SLX4IP: variants seen among roughly 807,000 people sequenced by gnomAD.
SLX4IP encodes protein SLX4IP.
In SLX4IP, 34 loss-of-function variants were observed where a neutral mutation model predicts 32.9. The observed-to-expected ratio is 1.03, with a 90% CI of 0.79 to 1.38. SLX4IP has a LOEUF of 1.38. SLX4IP is among the 40% of genes most tolerant of loss of function. The pLI is 0.00. For missense variants in SLX4IP, 444 were observed against 479.0 expected (o/e 0.93, Z 0.68); for synonymous variants, 172 against 171.7 (o/e 1.00, Z -0.01).
chr20:10,603,631 C>T (rs1188409467), intron 6 of SLX4IP, among the ~76,000 whole-genome samples: 3 of 152,138 alleles, frequency 2.0e-5, no homozygotes, highest in Non-Finnish European at 2.9e-5. Context: ...TCATTTACTC[C>T]ACCTCTGTCT....
chr20:10,499,319 C>T (rs2065696790), intron 2 of SLX4IP, among the ~76,000 whole-genome samples: 1 of 152,166 alleles, frequency 6.6e-6, no homozygotes, highest in Admixed American at 6.5e-5. Context: ...TGCATATGCA[C>T]ACAACATGCA....
chr20:10,590,450 T>G (rs2066695593), intron 4 of SLX4IP, among the ~76,000 whole-genome samples: 1 of 152,096 alleles, frequency 6.6e-6, no homozygotes, highest in Non-Finnish European at 1.5e-5. Flanking sequence ...AACCTCTGCC[T>G]CCCGGGTTCT....
At chr20:10,587,715 C>A (rs905358923) in intron 4 of SLX4IP, among the ~76,000 whole-genome samples, 1 of 152,062 alleles carries the variant, frequency 6.6e-6, no homozygotes, top group Non-Finnish European at 1.5e-5. Context: ...GCCAAATATT[C>A]TTTGACAAGA....
chr20:10,539,466 G>T lies in SLX4IP; in HGVS notation c.28-16765G>T, dbSNP rs181758447. 4.6e-5 allele frequency among the ~76,000 whole-genome samples: 7 copies of T among 151,760 alleles called. No homozygotes were observed. The East Asian group carries it at 1.4e-3, about 29-fold the overall frequency. ...ATTGGAGTGGAGGGTGACATTTGCA[G>T]GTGCAAAGAAGCTCATTATATTTTG... On this transcript the variant is annotated intron_variant, in intron 2 of 7. Transcript: ENST00000334534.
chr20:10,472,269 C>A (rs1412853356), intron 2 of SLX4IP, among the ~76,000 whole-genome samples: 2 of 146,900 alleles, frequency 1.4e-5, no homozygotes, highest in Admixed American at 6.8e-5. Flanking sequence ...CTGGCTCTGT[C>A]GCCCAGGCTC....
intron 4 of SLX4IP, among the ~76,000 whole-genome samples, chr20:10,585,561 TCCTTTCC>T (rs2066636541): frequency 6.6e-6 from 1 of 151,730 alleles, no homozygotes; most frequent in Admixed American, 6.6e-5. Flanking sequence ...TCCTTTCCTT[TCCTTTCC>T]TTTTTTTTCT....
chr20:10,601,386 C>T (rs2066839915), intron 5 of SLX4IP, among the ~76,000 whole-genome samples: 1 of 152,130 alleles, frequency 6.6e-6, no homozygotes, highest in Non-Finnish European at 1.5e-5. Flanking sequence ...GTTACATGCT[C>T]ATTTTGAAAA....
intron 2 of SLX4IP, among the ~76,000 whole-genome samples, chr20:10,547,604 TGGAAAGTGG>T (rs2066175218): frequency 6.6e-6 from 1 of 152,248 alleles, no homozygotes; most frequent in African/African-American, 2.4e-5. Flanking sequence ...CCTGATTGAC[TGGAAAGTGG>T]GGAAATAGCC....
chr20:10,485,457 A>G (rs1451936204), intron 2 of SLX4IP, among the ~76,000 whole-genome samples: 1 of 152,088 alleles, frequency 6.6e-6, no homozygotes, highest in Admixed American at 6.5e-5. Flanking sequence ...CTCTACTAAA[A>G]AAACAAAACA....
chr20:10,615,401 TCTC>T (rs2067014307), intron 6 of SLX4IP, among the ~76,000 whole-genome samples: 3 of 152,210 alleles, frequency 2.0e-5, no homozygotes, highest in Admixed American at 2.0e-4. Context: ...TCTTGATTTT[TCTC>T]CTCCTCACTG....
At chr20:10,449,422 G>A (rs1198627355) in intron 1 of SLX4IP, among the ~76,000 whole-genome samples, 5 of 152,170 alleles carry the variant, frequency 3.3e-5, no homozygotes, top group African/African-American at 9.7e-5. Context: ...GGACCTTGGC[G>A]TGAGGCAGAG....
chr20:10,497,273 G>A (rs2065675835), intron 2 of SLX4IP, among the ~76,000 whole-genome samples: 1 of 152,156 alleles, frequency 6.6e-6, no homozygotes, highest in Admixed American at 6.5e-5. Flanking sequence ...TAGGTCAACA[G>A]ATATTTTCTG....
intron 4 of SLX4IP, among the ~76,000 whole-genome samples, chr20:10,598,176 C>T (rs972568436): frequency 5.9e-5 from 9 of 152,126 alleles, no homozygotes; most frequent in South Asian, 2.1e-4. Context: ...ACTATGCCAG[C>T]GTCATAGTCA....
rs1242685342 is a variant in SLX4IP, at chr20:10,440,207, C to T, written c.-30+4754C>T. On this transcript the variant is annotated intron_variant, in intron 1 of 7. Transcript: ENST00000334534. The stretch of plus-strand genomic sequence containing the variant: ...CGGTGGCTCACGCCTGTTATTCCAA[C>T]ACTTTGGGAGGCCGAGGCTGGCGGA... Among the ~76,000 whole-genome samples, 3 of 150,194 alleles carry T rather than the reference C, an allele frequency of 2.0e-5. No homozygotes were observed. The East Asian group carries it at 5.8e-4, about 29-fold the overall frequency.
intron 2 of SLX4IP, among the ~76,000 whole-genome samples, chr20:10,459,913 C>A (rs774881516): frequency 3.9e-5 from 6 of 152,160 alleles, no homozygotes; most frequent in African/African-American, 2.4e-5. Context: ...ACCATAAGTG[C>A]AAGTTCAAAA....
At chr20:10,520,465 GTC>G (rs2065893473) in intron 2 of SLX4IP, among the ~76,000 whole-genome samples, 1 of 152,186 alleles carries the variant, frequency 6.6e-6, no homozygotes, top group South Asian at 2.1e-4. Flanking sequence ...TCTGTGAATT[GTC>G]TCTTTACTTT....
chr20:10,626,127 G>A lies in SLX4IP; in HGVS notation c.*2748G>A, dbSNP rs1400057133. On this transcript the variant is annotated 3_prime_UTR_variant, in exon 8 of 8. Coordinates refer to ENST00000334534, the MANE Select transcript of SLX4IP (RefSeq NM_001009608.3). ...CCTCCTGGGTTCACGTCATTCTCCT[G>A]TCTCAGCCTCCTGAGTAGCTGGGAC... 7.2e-6 allele frequency: 1 copy of A among 139,854 alleles called. No individual in the cohort carries two copies. The highest frequency in any genetic ancestry group is 1.5e-5 in the Non-Finnish European group (1 of 66,306). 8.7% of individuals were successfully genotyped at this position (139,854 alleles called of 1,614,324 possible).
chr20:10,456,211 A>G (rs1367209080), intron 1 of SLX4IP, among the ~76,000 whole-genome samples: 7 of 152,242 alleles, frequency 4.6e-5, no homozygotes, highest in Admixed American at 6.5e-5. Flanking sequence ...ATGTGCAAAT[A>G]TTCCAAAATC....
chr20:10,565,659 GGAT>G (rs2066384168), intron 4 of SLX4IP, among the ~76,000 whole-genome samples: 1 of 152,208 alleles, frequency 6.6e-6, no homozygotes, highest in South Asian at 2.1e-4. Context: ...TCAAAACATA[GGAT>G]GATGGTCAAC....
Sources: allele counts gnomAD v4.1 joint callset (sites outside exome capture counted in the v4.1 genomes callset), GRCh38; gene constraint gnomAD v4.1.1; transcripts MANE v1.5; gene names NCBI Gene and HGNC (gene_info 2026-07-23, HGNC 2026-07-21).